Variants in FSTL4 observed in about 807,000 individuals in gnomAD.
FSTL4 encodes follistatin-related protein 4.
FSTL4 carries 28 observed loss-of-function variants against 78.2 expected under a neutral mutation model. The ratio of observed to expected loss-of-function variants is 0.36; its 90% CI spans 0.27 to 0.49. The LOEUF (loss-of-function observed/expected upper bound fraction) is 0.49. FSTL4 is among the 20% of genes least tolerant of loss of function. FSTL4 has a pLI of 0.98. For synonymous variants in FSTL4, 422 were observed against 440.5 expected (o/e 0.96, Z 0.53); for missense variants, 922 against 1,084.9 (o/e 0.85, Z 2.11).
At chr5:133,475,424 T>C (rs1308589940) in intron 3 of FSTL4, among the ~76,000 whole-genome samples, 1 of 152,214 alleles carries the variant, frequency 6.6e-6, no homozygotes, top group East Asian at 1.9e-4. Context: ...CTGTTCCCTG[T>C]ACCGTGCCTC....
intron 6 of FSTL4, among the ~76,000 whole-genome samples, chr5:133,281,625 G>T (rs1285345082): frequency 6.6e-6 from 1 of 152,138 alleles, no homozygotes; most frequent in Non-Finnish European, 1.5e-5. Flanking sequence ...AATAAAAGTG[G>T]AAGGCTGTGA....
At chr5:133,813,417 G>A in the FSTL4 span, among the ~76,000 whole-genome samples, 2 of 152,132 alleles carry the variant, frequency 1.3e-5, no homozygotes, top group African/African-American at 2.4e-5. Context: ...TATACACATT[G>A]AACATCTCAA....
In FSTL4 at chr5:133,558,269, A is replaced by G. The variant is rs529513032; in HGVS notation, c.160+8917T>C. Among the ~76,000 whole-genome samples, 266 of 152,314 alleles carry G rather than the reference A, an allele frequency of 1.7e-3. 2 individuals carry two copies. The highest frequency in any genetic ancestry group is 0.01 in the Middle Eastern group (3 of 294). On this transcript the variant is annotated intron_variant, in intron 3 of 15. Transcript: ENST00000265342. ...CCTTTCCAGAGGAGTCATTTCTCCA[A>G]TGCAAGTAGTAGTTATCAAACTAGA...
rs1756809863 is a variant in FSTL4 at position 133,426,182 on chromosome 5, A to G, written c.161-25196T>C. ...TCATCTTTCCCAGTTAGGAATTTTT[A>G]AAGCACAGAGTGTGCTAGCAGAAGA... On this transcript the variant is annotated intron_variant, in intron 3 of 15. Coordinates refer to ENST00000265342, the MANE Select transcript of FSTL4 (RefSeq NM_015082.2). This position sits in a 1 kb window ranked among gnomAD's most constrained non-coding sequence, Gnocchi z 5.0. Among the ~76,000 whole-genome samples the G allele has an allele frequency of 6.6e-6, 1 of 152,214 alleles. No homozygotes were observed.
intron 1 of FSTL4, among the ~76,000 whole-genome samples, chr5:133,608,349 G>A (rs1362788344): frequency 6.6e-6 from 1 of 152,288 alleles, no homozygotes; most frequent in East Asian, 1.9e-4. Flanking sequence ...GTGTTTCATT[G>A]CTTCCCCTGT....
the FSTL4 span, among the ~76,000 whole-genome samples, chr5:133,665,917 C>A: frequency 2.6e-5 from 4 of 152,194 alleles, no homozygotes; most frequent in Non-Finnish European, 4.4e-5. Context: ...AGCCTGCAAG[C>A]TGGGCCACTG....
intron 3 of FSTL4, among the ~76,000 whole-genome samples, chr5:133,525,630 T>C (rs558602093): frequency 1.3e-5 from 2 of 152,354 alleles, no homozygotes; most frequent in South Asian, 4.1e-4. Context: ...ACAAGCTATA[T>C]CGCAGCAGTG....
At chr5:133,545,772 T>C (rs1759561920) in intron 3 of FSTL4, among the ~76,000 whole-genome samples, 1 of 152,218 alleles carries the variant, frequency 6.6e-6, no homozygotes, top group South Asian at 2.1e-4. Context: ...TTGCCATGAA[T>C]GGAGGATTTA....
At chr5:133,805,655 G>T in the FSTL4 span, among the ~76,000 whole-genome samples, 1 of 152,192 alleles carries the variant, frequency 6.6e-6, no homozygotes, top group African/African-American at 2.4e-5. Flanking sequence ...TGTGGGAGAA[G>T]AATTTTTCCA....
intron 6 of FSTL4, among the ~76,000 whole-genome samples, chr5:133,309,416 C>T (rs1038529419): frequency 6.6e-6 from 1 of 152,202 alleles, no homozygotes; most frequent in Non-Finnish European, 1.5e-5. Context: ...CAGAGAGAGG[C>T]AATTGGGAGC....
chr5:133,681,694 A>G, the FSTL4 span, among the ~76,000 whole-genome samples: 1 of 152,176 alleles, frequency 6.6e-6, no homozygotes, highest in Non-Finnish European at 1.5e-5. Flanking sequence ...TGGACCCCCC[A>G]TGAGAGAAGC....
chr5:133,548,455 G>A (rs1036310430), intron 3 of FSTL4, among the ~76,000 whole-genome samples: 1 of 152,098 alleles, frequency 6.6e-6, no homozygotes. Context: ...CTATGGGTAA[G>A]AATCATATCC....
At chr5:133,298,786 G>T (rs745793529) in intron 6 of FSTL4, among the ~76,000 whole-genome samples, 44 of 152,250 alleles carry the variant, frequency 2.9e-4, no homozygotes, top group Non-Finnish European at 4.8e-4. Flanking sequence ...CCACTTGCCA[G>T]GCCATTCTCC....
In FSTL4 at chr5:133,502,686, C is replaced by T. The variant is rs1031391146; in HGVS notation, c.160+64500G>A. Among the ~76,000 whole-genome samples, 180 of 152,300 alleles carry T rather than the reference C, an allele frequency of 1.2e-3. 1 individual carries two copies. Among genetic ancestry groups the T allele is most frequent in the African/African-American group, 3.2e-3 (132 of 41,562 alleles). ...TTCCTCCCACTCTGGCCATGTGAGACGTGCCTGCTTTTCCTATGCCTTCTG... is the reference window on the plus strand; with the variant it reads ...TTCCTCCCACTCTGGCCATGTGAGATGTGCCTGCTTTTCCTATGCCTTCTG... On this transcript the variant is annotated intron_variant, in intron 3 of 15. Coordinates refer to ENST00000265342, the MANE Select transcript of FSTL4 (RefSeq NM_015082.2).
At chr5:133,330,541 A>AC (rs1373101787) in intron 4 of FSTL4, among the ~76,000 whole-genome samples, 3 of 151,938 alleles carry the variant, frequency 2.0e-5, no homozygotes, top group Non-Finnish European at 4.4e-5. Flanking sequence ...TGAGAATCCC[A>AC]CCCCCATGAT....
chr5:133,512,772 A>T (rs1261729569), intron 3 of FSTL4, among the ~76,000 whole-genome samples: 6 of 152,092 alleles, frequency 3.9e-5, no homozygotes, highest in Non-Finnish European at 5.9e-5. Flanking sequence ...GCCAACAGGG[A>T]GGTAGGACTG....
the FSTL4 span, among the ~76,000 whole-genome samples, chr5:133,757,378 T>C: frequency 6.6e-6 from 1 of 152,200 alleles, no homozygotes; most frequent in African/African-American, 2.4e-5. Flanking sequence ...CTGCAGTGCA[T>C]CTCAGTTTGA....
chr5:133,609,751 G>A (rs1761051847), intron 1 of FSTL4, among the ~76,000 whole-genome samples: 1 of 152,128 alleles, frequency 6.6e-6, no homozygotes, highest in South Asian at 2.1e-4. Context: ...TTACTCTGAC[G>A]TTTAACACAG....
chr5:133,565,337 G>A (rs1454325784), intron 3 of FSTL4, among the ~76,000 whole-genome samples: 1 of 152,176 alleles, frequency 6.6e-6, no homozygotes, highest in African/African-American at 2.4e-5. Flanking sequence ...AAGTCAGTGA[G>A]TCAGTGAATT....
Sources: allele counts gnomAD v4.1 joint callset (sites outside exome capture counted in the v4.1 genomes callset), GRCh38; gene constraint gnomAD v4.1.1; non-coding constraint Gnocchi (gnomAD v3.1); transcripts MANE v1.5; gene names NCBI Gene and HGNC (gene_info 2026-07-23, HGNC 2026-07-21).